Variants in TFG observed in about 807,000 individuals in gnomAD.
TFG encodes the protein protein TFG.
TFG carries 22 observed loss-of-function variants against 51.4 expected under a neutral mutation model. The observed-to-expected ratio is 0.43, with a 90% CI of 0.31 to 0.61. The LOEUF is 0.61. Ranked by LOEUF, TFG falls within the 20% of genes least tolerant of loss-of-function variation. The pLI is 0.12. For synonymous variants in TFG, 187 were observed against 165.6 expected (o/e 1.13, Z -0.99); for missense variants, 419 against 487.7 (o/e 0.86, Z 1.33).
chr3:100,725,622 C>CAAAAAAA (rs763163559), intron 3 of TFG, among the ~76,000 whole-genome samples: 267 of 83,378 alleles, frequency 3.2e-3, no homozygotes, highest in Non-Finnish European at 4.0e-3. Context: ...ACCAAAAATA[C>CAAAAAAA]AAAAAAAAAA....
In TFG at chr3:100,720,897, A is replaced by G. The variant is rs184882356; in HGVS notation, c.268+839A>G. ...ATTATGTGAAAAATAAAATGTGTAC[A>G]CTTTTTCCGGCTGTTTTGTTGTTTT... is the stretch of plus-strand genomic sequence containing the variant. On this transcript the variant is annotated intron_variant, in intron 3 of 7. Coordinates refer to ENST00000240851, the MANE Select transcript of TFG (RefSeq NM_006070.6). Among the ~76,000 whole-genome samples, 853 of 152,124 alleles carry G rather than the reference A, an allele frequency of 5.6e-3. 7 individuals carry two copies. Among genetic ancestry groups the G allele is most frequent in the African/African-American group, 0.02 (823 of 41,478 alleles).
chr3:100,726,178 A>C (rs1481716650), intron 3 of TFG, among the ~76,000 whole-genome samples: 1 of 152,198 alleles, frequency 6.6e-6, no homozygotes, highest in Non-Finnish European at 1.5e-5. Context: ...CAAGCCCTGG[A>C]GTCCAAAGGC....
chr3:100,748,086 A>C, intron 7 of TFG, 63 bp from the exon 8 acceptor site: 1 of 1,527,920 alleles, frequency 6.5e-7, no homozygotes. Flanking sequence ...CAGTAAGACT[A>C]ATTCTTTGGA....
chr3:100,719,910 A>T, intron 2 of TFG, 65 bp from the exon 3 acceptor site: 2 of 976,302 alleles, frequency 2.0e-6, no homozygotes, highest in Non-Finnish European at 3.1e-6. Flanking sequence ...TTACTAGTTT[A>T]CTGCTTATAC....
At chr3:100,748,110 T>G (rs758264624) in intron 7 of TFG, 39 bp from the exon 8 acceptor site, 2 of 1,574,036 alleles carry the variant, frequency 1.3e-6, no homozygotes, top group Non-Finnish European at 1.7e-6. Flanking sequence ...GTAGTTTTAC[T>G]AAAAGATAAG....
chr3:100,737,531 A>G (rs955663497), intron 6 of TFG, among the ~76,000 whole-genome samples: 7 of 152,216 alleles, frequency 4.6e-5, no homozygotes, highest in African/African-American at 1.7e-4. Flanking sequence ...TGATTTTTGT[A>G]TTGTCTATGT....
intron 4 of TFG, among the ~76,000 whole-genome samples, chr3:100,729,856 G>A (rs2095086652): frequency 6.6e-6 from 1 of 151,982 alleles, no homozygotes; most frequent in African/African-American, 2.4e-5. Context: ...TCTTCTAATA[G>A]TCATATGGAA....
intron 3 of TFG, among the ~76,000 whole-genome samples, chr3:100,723,021 CTT>C (rs1491346457): frequency 3.3e-5 from 5 of 152,170 alleles, no homozygotes; most frequent in Admixed American, 6.5e-5. Context: ...AAGCTTAACT[CTT>C]AAACCTTGGG....
intron 1 of TFG, among the ~76,000 whole-genome samples, chr3:100,711,304 T>G (rs981757308): frequency 2.0e-5 from 3 of 152,304 alleles, no homozygotes. Context: ...GGTTTCACCC[T>G]GTTGATCGGT....
chr3:100,734,745 G>T (rs1157066089), intron 5 of TFG, among the ~76,000 whole-genome samples: 3 of 152,160 alleles, frequency 2.0e-5, no homozygotes, highest in Non-Finnish European at 4.4e-5. Context: ...ACTCACAAAA[G>T]AGAATTGTGT....
chr3:100,743,828 T>G (rs968186055), intron 6 of TFG: 1 of 151,872 alleles, frequency 6.6e-6, no homozygotes, highest in Non-Finnish European at 1.5e-5. Flanking sequence ...ACTTCAGCAG[T>G]AAGTATCTGG....
upstream of TFG, chr3:100,709,290 T>C (rs1329231814): frequency 6.6e-6 from 1 of 152,228 alleles, no homozygotes; most frequent in Non-Finnish European, 1.5e-5. Flanking sequence ...CGGAAGTGCG[T>C]GGTCACGCCC....
chr3:100,744,771 T>C, intron 6 of TFG, 62 bp from the exon 7 acceptor site: 1 of 1,077,088 alleles, frequency 9.3e-7, no homozygotes, highest in Middle Eastern at 2.0e-4. Flanking sequence ...ATCTTAAAAA[T>C]ATTTCTCTTT....
intron 6 of TFG, among the ~76,000 whole-genome samples, chr3:100,741,317 A>G (rs548599953): frequency 3.3e-5 from 5 of 152,260 alleles, no homozygotes; most frequent in Admixed American, 2.6e-4. Context: ...GAGGTGGAAA[A>G]TAGTGATATC....
intron 4 of TFG, among the ~76,000 whole-genome samples, chr3:100,729,836 T>C (rs1402940588): frequency 6.6e-6 from 1 of 152,166 alleles, no homozygotes; most frequent in Non-Finnish European, 1.5e-5. Flanking sequence ...CCATCATTTC[T>C]CTCTTCCTGT....
At chr3:100,724,428 A>G (rs1183256672) in intron 3 of TFG, among the ~76,000 whole-genome samples, 1 of 152,214 alleles carries the variant, frequency 6.6e-6, no homozygotes, top group Non-Finnish European at 1.5e-5. Context: ...CTCAGGTGAC[A>G]TGGACAGTAT....
chr3:100,748,276 A>C lies in TFG; in HGVS notation c.948A>C (p.Pro316=), dbSNP rs779532304. 1.2e-6 allele frequency: 2 copies of C among 1,614,074 alleles called. No homozygotes were observed. Among genetic ancestry groups the C allele is most frequent in the African/African-American group, 2.7e-5 (2 of 75,024 alleles). ...CTCAACAACTGCCTGCTCAGCCGCC[A>C]CAGCAGTACCAGGCGAGCAATTATC... ...GQPQQLPAQP[P]QQYQASNYPA... is the part of the protein sequence containing the mutation. Residue 316 remains proline (P), a synonymous_variant, in exon 8 of 8, where the codon CCA becomes CCC. Transcript: ENST00000240851.
chr3:100,722,157 A>C (rs1290663161), intron 3 of TFG, among the ~76,000 whole-genome samples: 1 of 152,192 alleles, frequency 6.6e-6, no homozygotes, highest in Non-Finnish European at 1.5e-5. Context: ...TCTCAGAAAA[A>C]ACAAAACAAA....
At chr3:100,711,664 G>A (rs6777552) in intron 1 of TFG, among the ~76,000 whole-genome samples, 2,973 of 152,146 alleles carry the variant, frequency 0.02, 86 homozygotes, top group Admixed American at 0.082. Context: ...GGTGCTGCTG[G>A]GAATAGATAG....
Sources: gnomAD v4.1 joint callset for allele counts (sites outside exome capture counted in the v4.1 genomes callset) on GRCh38, gnomAD v4.1.1 for gene constraint, MANE v1.5 for transcripts, NCBI Gene and HGNC (gene_info 2026-07-23, HGNC 2026-07-21) for gene names.